Variants in ADGRL3 observed in about 807,000 individuals in gnomAD.
ADGRL3 encodes the protein calcium-independent alpha-latrotoxin receptor 3.
ADGRL3 carries 62 observed loss-of-function variants against 153.5 expected under a neutral mutation model. The observed-to-expected ratio is 0.40, with a 90% CI of 0.33 to 0.50. ADGRL3 has a LOEUF of 0.50. ADGRL3 is among the 20% of genes least tolerant of loss of function. The pLI is 0.47. For missense variants in ADGRL3, 1,641 were observed against 1,859.4 expected (o/e 0.88, Z 2.16); for synonymous variants, 710 against 672.5 (o/e 1.06, Z -0.86).
At chr4:61,883,884 G>GCACAATGTGTAATGCAAGACAATTA (rs1325259873) in intron 9 of ADGRL3, among the ~76,000 whole-genome samples, 19 of 152,170 alleles carry the variant, frequency 1.2e-4, no homozygotes, top group East Asian at 5.8e-4. Context: ...CCGATGCCCA[G>GCACAATGTGTAATGCAAGACAATTA]CACAATGTGT....
intron 1 of ADGRL3, among the ~76,000 whole-genome samples, chr4:61,291,214 ACACG>A (rs1183917960): frequency 1.8e-4 from 24 of 133,086 alleles, no homozygotes; most frequent in African/African-American, 4.7e-4. Context: ...ACACACACAC[ACACG>A]CACACACACA....
At chr4:62,024,204 G>C (rs1374458168) in intron 21 of ADGRL3, among the ~76,000 whole-genome samples, 1 of 152,026 alleles carries the variant, frequency 6.6e-6, no homozygotes, top group Non-Finnish European at 1.5e-5. Flanking sequence ...ATTATACTCA[G>C]TTTTTCCTAA....
At chr4:61,213,483 C>T (rs1203097079) in intron 1 of ADGRL3, among the ~76,000 whole-genome samples, 1 of 151,970 alleles carries the variant, frequency 6.6e-6, no homozygotes, top group Admixed American at 6.6e-5. Context: ...ATAGTACATG[C>T]TTACGTTGAA....
chr4:61,552,505 T>G (rs577381122), intron 4 of ADGRL3, among the ~76,000 whole-genome samples: 1 of 152,238 alleles, frequency 6.6e-6, no homozygotes, highest in Admixed American at 6.6e-5. Context: ...GCTCTGTCAC[T>G]CAGGCTGGAG....
intron 4 of ADGRL3, among the ~76,000 whole-genome samples, chr4:61,530,955 T>C (rs537001755): frequency 7.2e-5 from 11 of 152,210 alleles, no homozygotes; most frequent in Non-Finnish European, 1.5e-4. Context: ...GGTAAGGACC[T>C]GTGCTCTATT....
chr4:61,327,360 C>T (rs187824863), intron 1 of ADGRL3, among the ~76,000 whole-genome samples: 3 of 149,734 alleles, frequency 2.0e-5, no homozygotes, highest in Non-Finnish European at 3.0e-5. Flanking sequence ...GGCTAGGGTA[C>T]ATAGAGATTT....
At chr4:61,729,757 C>T (rs551025736) in intron 6 of ADGRL3, among the ~76,000 whole-genome samples, 187 of 151,936 alleles carry the variant, frequency 1.2e-3, no homozygotes, top group Middle Eastern at 3.4e-3. Context: ...TTTGTGAATA[C>T]GTTAACAATT....
intron 6 of ADGRL3, among the ~76,000 whole-genome samples, chr4:61,729,078 G>T (rs907080497): frequency 6.6e-6 from 1 of 151,754 alleles, no homozygotes; most frequent in Non-Finnish European, 1.5e-5. Flanking sequence ...GGGGGTGAGG[G>T]TTGAAAAACT....
intron 1 of ADGRL3, among the ~76,000 whole-genome samples, chr4:61,330,034 T>C (rs756060469): frequency 2.0e-5 from 3 of 152,210 alleles, no homozygotes; most frequent in Non-Finnish European, 4.4e-5. Context: ...TTTAATAAGA[T>C]TCCTGGTTAT....
At chr4:61,213,539 CAACAT>C (rs1026569254) in intron 1 of ADGRL3, among the ~76,000 whole-genome samples, 1 of 152,046 alleles carries the variant, frequency 6.6e-6, no homozygotes, top group African/African-American at 2.4e-5. Context: ...TGAAATCACT[CAACAT>C]AACATAACAT....
intron 1 of ADGRL3, among the ~76,000 whole-genome samples, chr4:61,343,903 T>G (rs2095852221): frequency 6.6e-6 from 1 of 152,218 alleles, no homozygotes; most frequent in Admixed American, 6.5e-5. Flanking sequence ...CATTATTTAC[T>G]TTTCATTTTC....
intron 1 of ADGRL3, among the ~76,000 whole-genome samples, chr4:61,310,953 C>T (rs1002583548): frequency 2.0e-5 from 3 of 151,492 alleles, no homozygotes; most frequent in Admixed American, 6.6e-5. Context: ...TAGTTAATAT[C>T]TTAGGTGCCT....
intron 1 of ADGRL3, among the ~76,000 whole-genome samples, chr4:61,229,903 A>AATAT (rs202191907): frequency 2.7e-4 from 41 of 150,586 alleles, no homozygotes; most frequent in African/African-American, 1.0e-3. Flanking sequence ...CCTGTTCTTA[A>AATAT]ATATATATAT....
chr4:61,438,024 T>C (rs2124796), intron 2 of ADGRL3, among the ~76,000 whole-genome samples: 139,639 of 152,230 alleles, frequency 0.92, 65,266 homozygotes, highest in East Asian at 1. Context: ...TTTCCTCAGG[T>C]TTGTGTACCT....
chr4:61,671,352 G>A (rs2094989323), intron 5 of ADGRL3, among the ~76,000 whole-genome samples: 1 of 152,018 alleles, frequency 6.6e-6, no homozygotes, highest in Admixed American at 6.6e-5. Context: ...CCTGTGATTT[G>A]GGAAGATGTG....
chr4:61,925,526 A>T (rs2098790655), intron 13 of ADGRL3, among the ~76,000 whole-genome samples: 1 of 152,214 alleles, frequency 6.6e-6, no homozygotes, highest in Non-Finnish European at 1.5e-5. Context: ...AGGCTCTACA[A>T]GCATGGCACT....
intron 9 of ADGRL3, among the ~76,000 whole-genome samples, chr4:61,849,234 C>G (rs1226510038): frequency 6.6e-6 from 1 of 152,068 alleles, no homozygotes; most frequent in Non-Finnish European, 1.5e-5. Context: ...ACCACAATGT[C>G]ACTTTCTTTT....
intron 9 of ADGRL3, among the ~76,000 whole-genome samples, chr4:61,877,879 A>G (rs999749720): frequency 2.0e-5 from 3 of 152,116 alleles, no homozygotes; most frequent in Non-Finnish European, 4.4e-5. Flanking sequence ...CAGTTCCCCC[A>G]TACTGTTCTC....
At chr4:61,465,893 G>C (rs1451859335) in intron 2 of ADGRL3, among the ~76,000 whole-genome samples, 1 of 151,550 alleles carries the variant, frequency 6.6e-6, no homozygotes, top group South Asian at 2.1e-4. Context: ...AGGCCTATGC[G>C]GGTGGATTGC....
Sources: gnomAD v4.1 joint callset for allele counts (sites outside exome capture counted in the v4.1 genomes callset) on GRCh38, gnomAD v4.1.1 for gene constraint, MANE v1.5 for transcripts, NCBI Gene and HGNC (gene_info 2026-07-23, HGNC 2026-07-21) for gene names.